Variants in SH3PXD2A observed in about 807,000 individuals in gnomAD.
The protein encoded by SH3PXD2A is SH3 and PX domain-containing protein 2A.
A neutral mutation model predicts 115.2 loss-of-function variants in SH3PXD2A; 32 were observed. The observed-to-expected ratio is 0.28, with a 90% CI of 0.21 to 0.37. The LOEUF is 0.37. SH3PXD2A is among the 10% of genes least tolerant of loss of function. SH3PXD2A has a pLI of 1.00. For synonymous variants in SH3PXD2A, 610 were observed against 629.1 expected (o/e 0.97, Z 0.45); for missense variants, 1,328 against 1,498.7 (o/e 0.89, Z 1.88).
At chr10:103,826,526 G>T (rs1357804703) in intron 1 of SH3PXD2A, among the ~76,000 whole-genome samples, 3 of 152,210 alleles carry the variant, frequency 2.0e-5, no homozygotes, top group Admixed American at 2.0e-4. Flanking sequence ...TCCTGCAGGT[G>T]ATCAAACAGC....
intron 8 of SH3PXD2A, among the ~76,000 whole-genome samples, chr10:103,635,101 C>T (rs1021368899): frequency 4.6e-5 from 7 of 152,142 alleles, no homozygotes; most frequent in Admixed American, 2.6e-4. Context: ...TGTGTGTGGG[C>T]GTGTGCCTAT....
intron 10 of SH3PXD2A, among the ~76,000 whole-genome samples, chr10:103,621,847 C>A (rs1272580491): frequency 3.3e-5 from 5 of 152,248 alleles, no homozygotes; most frequent in Non-Finnish European, 5.9e-5. Flanking sequence ...CTGGATCAGG[C>A]CCCTCCTGAA....
At chr10:103,725,605 T>A (rs2038231381) in intron 4 of SH3PXD2A, among the ~76,000 whole-genome samples, 1 of 152,060 alleles carries the variant, frequency 6.6e-6, no homozygotes, top group Admixed American at 6.5e-5. Context: ...GGTGGGCAGA[T>A]CACTTGAGGT....
chr10:103,781,265 A>C (rs2038928996), intron 2 of SH3PXD2A, among the ~76,000 whole-genome samples: 1 of 152,186 alleles, frequency 6.6e-6, no homozygotes, highest in South Asian at 2.1e-4. Context: ...ACAATCATGG[A>C]ACTAAATCCT....
intron 1 of SH3PXD2A, among the ~76,000 whole-genome samples, chr10:103,818,044 C>T (rs937700136): frequency 6.6e-6 from 1 of 152,200 alleles, no homozygotes; most frequent in African/African-American, 2.4e-5. Context: ...TTTAATTGTA[C>T]ACTTCAAATG....
At chr10:103,645,398 G>A (rs1031589058) in intron 8 of SH3PXD2A, among the ~76,000 whole-genome samples, 9 of 152,242 alleles carry the variant, frequency 5.9e-5, no homozygotes, top group African/African-American at 2.2e-4. Flanking sequence ...TCGACCCACA[G>A]CAAGCATCTC....
intron 1 of SH3PXD2A, among the ~76,000 whole-genome samples, chr10:103,836,705 A>ACACC (rs748978297): frequency 1.3e-5 from 2 of 149,466 alleles, no homozygotes; most frequent in Non-Finnish European, 3.0e-5. Flanking sequence ...ACACACACAC[A>ACACC]CCCCTTCTTT....
intron 3 of SH3PXD2A, among the ~76,000 whole-genome samples, chr10:103,760,322 A>G (rs1191328133): frequency 6.6e-6 from 1 of 152,184 alleles, no homozygotes; most frequent in Non-Finnish European, 1.5e-5. Context: ...TAATCCCAAC[A>G]CTTTGGGAAG....
intron 3 of SH3PXD2A, among the ~76,000 whole-genome samples, chr10:103,751,950 G>C (rs554771552): frequency 6.6e-6 from 1 of 152,282 alleles, no homozygotes; most frequent in African/African-American, 2.4e-5. Flanking sequence ...TTGGGGCACT[G>C]TTATTTATAG....
intron 8 of SH3PXD2A, among the ~76,000 whole-genome samples, chr10:103,634,659 G>T (rs1481818273): frequency 6.6e-6 from 1 of 152,162 alleles, no homozygotes; most frequent in Non-Finnish European, 1.5e-5. Flanking sequence ...TCTCTGAGCA[G>T]GTGTCTTGTA....
intron 10 of SH3PXD2A, among the ~76,000 whole-genome samples, chr10:103,622,135 T>G (rs532898300): frequency 6.6e-6 from 1 of 152,258 alleles, no homozygotes; most frequent in South Asian, 2.1e-4. Flanking sequence ...GCTCCTTTAA[T>G]CTGCAGCTTC....
intron 5 of SH3PXD2A, among the ~76,000 whole-genome samples, chr10:103,696,356 C>T (rs1428584914): frequency 6.6e-6 from 1 of 152,176 alleles, no homozygotes; most frequent in Non-Finnish European, 1.5e-5. Context: ...TCCCATCCCT[C>T]ACATACGAGG....
chr10:103,678,146 C>A, intron 6 of SH3PXD2A: 1 of 1,289,154 alleles, frequency 7.8e-7, no homozygotes, highest in Non-Finnish European at 1.0e-6. Context: ...CAGGAACGAC[C>A]CGTTCATGTG....
rs776241188 is a variant in SH3PXD2A at position 103,603,056 on chromosome 10, C to T, written c.2162G>A (p.Arg721His). 33 of 1,613,738 alleles carry T rather than the reference C, an allele frequency of 2.0e-5. No individual in the cohort carries two copies. Among genetic ancestry groups the T allele is most frequent in the Middle Eastern group, 1.6e-4 (1 of 6,062 alleles). ...GCGGATGCCTGCGTCCGAAGCAGAG[C>T]GGGGCTTCAGGTCGCCACTGGTTTT... ...LSKTSGDLKP[R>H]SASDAGIRGT... is the part of the protein sequence containing the mutation. The change falls in exon 15 of 15, where the codon CGC (arginine) becomes CAC (histidine). Residue 721 changes from arginine (R) to histidine (H), a missense_variant. Around this residue, in one of 5 missense-constraint regions of SH3PXD2A, gnomAD observed 574 missense variants for 565.7 expected, o/e 1.01. Transcript: ENST00000369774.
rs1409401302 is a variant in SH3PXD2A at position 103,602,985 on chromosome 10, C to G, written c.2233G>C (p.Gly745Arg). Residue 745 changes from glycine to arginine, a missense_variant, in exon 15 of 15, where the codon GGG (glycine) becomes CGG (arginine). Around this residue, in one of 5 missense-constraint regions of SH3PXD2A, gnomAD observed 574 missense variants for 565.7 expected, o/e 1.01. Transcript: ENST00000369774. ...RAKKDADANA[G>R]LTSCPRAKPS... ...TTGGCCCGGGGACAGGAGGTCAGCC[C>G]AGCGTTCGCATCAGCATCCTTCTTT... 1 of 1,614,196 alleles carries G rather than the reference C, an allele frequency of 6.2e-7. No homozygotes were observed. Among genetic ancestry groups the G allele is most frequent in the Non-Finnish European group, 8.5e-7 (1 of 1,180,052 alleles).
intron 6 of SH3PXD2A, among the ~76,000 whole-genome samples, chr10:103,680,133 C>G (rs542931600): frequency 6.6e-6 from 1 of 151,770 alleles, no homozygotes; most frequent in Non-Finnish European, 1.5e-5. Context: ...GCGCCCACCA[C>G]GACACCAAGC....
intron 5 of SH3PXD2A, among the ~76,000 whole-genome samples, chr10:103,718,900 A>G (rs1477285398): frequency 6.6e-6 from 1 of 152,106 alleles, no homozygotes. Flanking sequence ...CTAACGCCCA[A>G]GGTGATATAG....
At chr10:103,725,226 G>A (rs1375575510) in intron 4 of SH3PXD2A, among the ~76,000 whole-genome samples, 2 of 152,326 alleles carry the variant, frequency 1.3e-5, no homozygotes, top group African/African-American at 4.8e-5. Flanking sequence ...GGCCAGTGCG[G>A]CCTGAGGACC....
chr10:103,787,821 TG>T (rs2038995153), intron 2 of SH3PXD2A, among the ~76,000 whole-genome samples: 1 of 152,188 alleles, frequency 6.6e-6, no homozygotes, highest in African/African-American at 2.4e-5. Context: ...TATACCTAAA[TG>T]GACCACATTC....
Sources: allele counts gnomAD v4.1 joint callset (sites outside exome capture counted in the v4.1 genomes callset), GRCh38; gene constraint gnomAD v4.1.1; regional missense constraint gnomAD v4.1.1; transcripts MANE v1.5; gene names NCBI Gene and HGNC (gene_info 2026-07-23, HGNC 2026-07-21).